The following YTHDC2 variants were observed in gnomAD, a reference collection of about 807,000 sequenced individuals.
YTHDC2 encodes YTH N6-methyladenosine RNA binding protein C2.
In YTHDC2, 45 loss-of-function variants were observed where a neutral mutation model predicts 174.9. That is an observed-to-expected ratio of 0.26 (90% CI 0.20 to 0.33). The LOEUF (loss-of-function observed/expected upper bound fraction) is 0.33. YTHDC2 is among the 10% of genes least tolerant of loss of function. The pLI is 1.00. For synonymous variants in YTHDC2, 657 were observed against 574.5 expected (o/e 1.14, Z -2.05); for missense variants, 1,650 against 1,723.7 (o/e 0.96, Z 0.76).
rs1776931432 is a variant in YTHDC2, at chr5:113,561,075, T to C, written c.2217-5T>C. 6.3e-7 allele frequency: 1 copy of C among 1,596,978 alleles called. No homozygotes were observed. The highest frequency in any genetic ancestry group is 1.3e-5 in the African/African-American group (1 of 74,502). Reference sequence around the variant, plus strand: ...TGAGTCCTAATCTTGTACTTTATTTTTAAGGGCAGGGCGATGTAGACCTGG... The same window carrying C: ...TGAGTCCTAATCTTGTACTTTATTTCTAAGGGCAGGGCGATGTAGACCTGG... On this transcript the variant is annotated splice_region_variant and splice_polypyrimidine_tract_variant and intron_variant, in intron 17 of 29. Transcript: ENST00000161863.
At chr5:113,558,873 G>GATGGC (rs1168440453) in intron 17 of YTHDC2, among the ~76,000 whole-genome samples, 263 of 145,188 alleles carry the variant, frequency 1.8e-3, no homozygotes, top group Non-Finnish European at 2.9e-3. Flanking sequence ...ATTGAGCCGA[G>GATGGC]ACCACGCCAT....
chr5:113,589,408 A>ATATATATATATATATATATGTATGT (rs1554103528), intron 26 of YTHDC2, among the ~76,000 whole-genome samples: 1 of 123,262 alleles, frequency 8.1e-6, no homozygotes, highest in African/African-American at 3.4e-5. Flanking sequence ...AAAAAAAAAA[A>ATATATATATATATATATATGTATGT]ATATATATAT....
At chr5:113,586,435 A>G (rs905855439) in intron 26 of YTHDC2, among the ~76,000 whole-genome samples, 5 of 151,914 alleles carry the variant, frequency 3.3e-5, no homozygotes, top group Non-Finnish European at 5.9e-5. Context: ...TATGTTTTGC[A>G]TATTTTTTCT....
intron 26 of YTHDC2, among the ~76,000 whole-genome samples, chr5:113,589,117 A>C (rs2112818257): frequency 6.6e-6 from 1 of 151,916 alleles, no homozygotes; most frequent in South Asian, 2.1e-4. Context: ...TTTTATGTTA[A>C]TACGAATGTC....
chr5:113,518,649 C>T (rs1051731735), intron 2 of YTHDC2, among the ~76,000 whole-genome samples: 3 of 151,516 alleles, frequency 2.0e-5, no homozygotes, highest in Non-Finnish European at 2.9e-5. Context: ...TTTGAGAGGC[C>T]ACCTGGTGTA....
intron 12 of YTHDC2, among the ~76,000 whole-genome samples, chr5:113,550,482 A>T (rs1183541280): frequency 1.3e-5 from 2 of 152,170 alleles, no homozygotes; most frequent in African/African-American, 4.8e-5. Flanking sequence ...TTTACCAGTC[A>T]TAGTAAAGTA....
At position 113,561,164 on chromosome 5, in the gene YTHDC2, A is replaced by C. The variant is rs1776937994; in HGVS notation, c.2301A>C (p.Glu767Asp). ...ATATGTTGGAATTTCAGACTCCGGA[A>C]CTTTTGAGAATGCCATTACAGGTAA... is the stretch of plus-strand genomic sequence containing the variant. The part of the protein sequence containing the change: ...FQNMLEFQTP[E>D]LLRMPLQELC... The change falls in exon 18 of 30, where the codon GAA becomes GAC. Residue 767 changes from glutamate to aspartate, a missense_variant. Glu to Asp is a conservative substitution (Grantham distance 45, BLOSUM62 2). Around this residue, in one of 5 missense-constraint regions of YTHDC2, gnomAD observed 913 missense variants for 940.4 expected, o/e 0.97. Transcript: ENST00000161863. The C allele has an allele frequency of 1.2e-6, 2 of 1,613,056 alleles. No homozygotes were observed. The highest frequency in any genetic ancestry group is 1.3e-5 in the African/African-American group (1 of 74,898).
intron 4 of YTHDC2, among the ~76,000 whole-genome samples, chr5:113,528,385 A>G (rs1240105519): frequency 6.6e-6 from 1 of 152,250 alleles, no homozygotes; most frequent in Admixed American, 6.5e-5. Context: ...TCTTTGAAAT[A>G]TAAAACAGAA....
intron 23 of YTHDC2, among the ~76,000 whole-genome samples, chr5:113,576,269 G>C (rs1007928990): frequency 1.3e-5 from 2 of 152,152 alleles, no homozygotes; most frequent in Non-Finnish European, 2.9e-5. Context: ...GAGTGATTCA[G>C]TGTTGGAGGC....
rs1291942113 is a variant in YTHDC2 at position 113,524,998 on chromosome 5, A to G, written c.296A>G (p.Tyr99Cys). 6.2e-7 allele frequency: 1 copy of G among 1,603,956 alleles called. No homozygotes were observed. The highest frequency in any genetic ancestry group is 1.3e-5 in the African/African-American group (1 of 74,322). Residue 99 changes from tyrosine to cysteine, a missense_variant, in exon 3 of 30, where the codon TAC (tyrosine) becomes TGC (cysteine). By Grantham distance (194) the Tyr-to-Cys change is radical. Transcript: ENST00000161863. ...SKSKGKGANRYLTVKKKDGSE... is the reference protein window; with the variant it reads ...SKSKGKGANRCLTVKKKDGSE... The stretch of plus-strand genomic sequence containing the variant: ...ATATTCAGAAAGGGAGCAAATAGAT[A>G]CCTAACTGTGAAGAAGAAAGATGGA...
intron 4 of YTHDC2, among the ~76,000 whole-genome samples, chr5:113,530,991 C>T (rs1774617192): frequency 2.6e-5 from 4 of 152,162 alleles, no homozygotes; most frequent in African/African-American, 9.7e-5. Context: ...TCCCGCCCCC[C>T]AACTCCTTCT....
intron 17 of YTHDC2, 107 bp from the exon 18 acceptor site, chr5:113,560,973 T>A (rs1776922748): frequency 2.2e-6 from 2 of 889,712 alleles, no homozygotes; most frequent in Admixed American, 6.3e-5. Context: ...TAAACTCAGG[T>A]ATCCTGATCC....
At chr5:113,561,577 T>C (rs1776978697) in intron 18 of YTHDC2, among the ~76,000 whole-genome samples, 1 of 151,766 alleles carries the variant, frequency 6.6e-6, no homozygotes, top group African/African-American at 2.4e-5. Context: ...CAAGCGATTC[T>C]CTGGCCTCAG....
chr5:113,581,908 T>TA (rs1403293507), intron 25 of YTHDC2, 199 bp downstream of exon 25: 1 of 400,276 alleles, frequency 2.5e-6, no homozygotes, highest in East Asian at 4.2e-5. Flanking sequence ...ATATGAATTT[T>TA]AAACTATTGA....
rs1385917534 is a variant in YTHDC2, at chr5:113,569,327, T to C, written c.3244+1478T>C. On this transcript the variant is annotated intron_variant, in intron 23 of 29. Coordinates refer to ENST00000161863, the MANE Select transcript of YTHDC2 (RefSeq NM_022828.5). ...CTCTGATGATAGTTGTTTCTTTTGCTGTGCAGAAACTTTAGTTTAATTAGA... is the reference window on the plus strand; with the variant it reads ...CTCTGATGATAGTTGTTTCTTTTGCCGTGCAGAAACTTTAGTTTAATTAGA... 2.0e-5 allele frequency among the ~76,000 whole-genome samples: 3 copies of C among 152,238 alleles called. No homozygotes were observed. In the East Asian group the frequency reaches 5.8e-4, roughly 29 times the overall value.
intron 26 of YTHDC2, among the ~76,000 whole-genome samples, chr5:113,589,370 C>G (rs1436444141): frequency 7.5e-6 from 1 of 133,140 alleles, no homozygotes; most frequent in Admixed American, 8.2e-5. Context: ...ATTTTCATCT[C>G]TAGAAGTTCA....
At chr5:113,570,389 A>G (rs1178540048) in intron 23 of YTHDC2, among the ~76,000 whole-genome samples, 1 of 152,136 alleles carries the variant, frequency 6.6e-6, no homozygotes, top group Non-Finnish European at 1.5e-5. Context: ...GGCGTGAGCT[A>G]TCATGCTTGG....
intron 18 of YTHDC2, among the ~76,000 whole-genome samples, chr5:113,561,975 T>A (rs1435435705): frequency 8.7e-6 from 1 of 115,324 alleles, no homozygotes; most frequent in Non-Finnish European, 2.2e-5. Context: ...TGTGTGTGTG[T>A]GTGTGTGTGT....
chr5:113,579,159 G>A (rs1778243586), intron 23 of YTHDC2, among the ~76,000 whole-genome samples: 1 of 151,628 alleles, frequency 6.6e-6, no homozygotes, highest in African/African-American at 2.4e-5. Context: ...TGGGTTTTAT[G>A]TTATTTTTCT....
Sources: allele counts gnomAD v4.1 joint callset (sites outside exome capture counted in the v4.1 genomes callset), GRCh38; gene constraint gnomAD v4.1.1; regional missense constraint gnomAD v4.1.1; transcripts MANE v1.5; gene names NCBI Gene and HGNC (gene_info 2026-07-23, HGNC 2026-07-21).